FERMT2: variants seen among roughly 807,000 people sequenced by gnomAD.
FERMT2 encodes the protein FERM domain containing kindlin 2, also known as fermitin family homolog 2.
A neutral mutation model predicts 82.7 loss-of-function variants in FERMT2; 15 were observed. That is an observed-to-expected ratio of 0.18 (90% CI 0.12 to 0.28). The LOEUF (loss-of-function observed/expected upper bound fraction) is 0.28. Ranked by LOEUF, FERMT2 falls within the 10% of genes least tolerant of loss-of-function variation. The probability of loss-of-function intolerance (pLI) is 1.00; values close to 1 mark genes in which losing one functional copy is unlikely to be tolerated. For synonymous variants in FERMT2, 274 were observed against 271.5 expected, an observed-to-expected ratio of 1.01 and a Z score of -0.09; for missense variants, 645 against 809.4, an observed-to-expected ratio of 0.80 and a Z score of 2.46.
Position 52,875,322 on chromosome 14 carries a change from C to G in FERMT2, c.999G>C (p.Glu333Asp), listed in dbSNP as rs1371003924. ...CTTTGTCACTGTTGTTCAAATGATT[C>G]TCTGATGTCATGATTGACAGCTTAT... ...HINKLSIMTS[E>D]NHLNNSDKEV... Residue 333 changes from glutamate to aspartate, a missense_variant, in exon 8 of 15, where the codon GAG (glutamate) becomes GAC (aspartate). Coordinates refer to ENST00000341590, the MANE Select transcript of FERMT2 (RefSeq NM_006832.3). The G allele has an allele frequency of 6.2e-7, 1 of 1,609,868 alleles. No homozygotes were observed. The highest frequency in any genetic ancestry group is 8.5e-7 in the Non-Finnish European group (1 of 1,176,694).
intron 4 of FERMT2, among the ~76,000 whole-genome samples, chr14:52,889,823 A>G (rs1469601223): frequency 6.6e-6 from 1 of 152,176 alleles, no homozygotes; most frequent in East Asian, 1.9e-4. Flanking sequence ...ATCTCTAAAC[A>G]TAGAAAAGGT....
At chr14:52,919,057 T>A (rs1172168997) in intron 3 of FERMT2, 66 bp downstream of exon 3, 2 of 1,097,320 alleles carry the variant, frequency 1.8e-6, no homozygotes, top group Non-Finnish European at 2.7e-6. Context: ...GGATAAGCTA[T>A]GTCAGTCATC....
chr14:52,948,173 G>A (rs951018759), intron 2 of FERMT2, among the ~76,000 whole-genome samples: 1 of 152,258 alleles, frequency 6.6e-6, no homozygotes, highest in African/African-American at 2.4e-5. Flanking sequence ...AAGCTGCTTT[G>A]ATCCTCTCTA....
chr14:52,864,210 C>T (rs896975039), intron 12 of FERMT2, among the ~76,000 whole-genome samples, 191 bp downstream of exon 12: 6 of 152,118 alleles, frequency 3.9e-5, no homozygotes, highest in African/African-American at 1.4e-4. Context: ...GTCATGTTGG[C>T]ACTCAAAAAG....
At chr14:52,865,335 T>C (rs1885207017) in intron 10 of FERMT2, among the ~76,000 whole-genome samples, 1 of 152,144 alleles carries the variant, frequency 6.6e-6, no homozygotes, top group Non-Finnish European at 1.5e-5. Flanking sequence ...AATTTCACTT[T>C]GTAGGAGGCT....
At chr14:52,908,152 T>C (rs1888121417) in intron 3 of FERMT2, among the ~76,000 whole-genome samples, 1 of 152,178 alleles carries the variant, frequency 6.6e-6, no homozygotes, top group South Asian at 2.1e-4. Flanking sequence ...AGATAGGCTC[T>C]CACACCTGCT....
intron 2 of FERMT2, among the ~76,000 whole-genome samples, chr14:52,940,672 T>C (rs1395517346): frequency 1.3e-5 from 2 of 152,248 alleles, no homozygotes; most frequent in Non-Finnish European, 2.9e-5. Context: ...ACTTAAATGA[T>C]AGTTTATTCT....
Position 52,901,280 on chromosome 14 carries a change from C to CAAAAAAAAAAAAAAAA in FERMT2, c.392-7869_392-7854dup, listed in dbSNP as rs10638877. ...TAGGCGACAGAGCGAGACTCTGTCT[C>CAAAAAAAAAAAAAAAA]AAAAAAAAAAAAAAAAAAAAGCCCC... On this transcript the variant is annotated intron_variant, in intron 3 of 14. Transcript: ENST00000341590. 3.5e-5 allele frequency among the ~76,000 whole-genome samples: 2 copies of CAAAAAAAAAAAAAAAA among 57,256 alleles called. 1 individual carries two copies. The allele number at this position is 57,256 out of a possible 152,430, so 37.6% of individuals were successfully genotyped here.
rs562420668 is a variant in FERMT2, at chr14:52,922,292, C to A, written c.158-2936G>T. On this transcript the variant is annotated intron_variant, in intron 2 of 14. Transcript: ENST00000341590. ...GGGCCATTACATTAAAAACTCTTAA[C>A]ACTTCTTGGCTGCCAGCATGGGGCT... 1.5e-3 allele frequency among the ~76,000 whole-genome samples: 222 copies of A among 152,264 alleles called. 1 individual carries two copies. In the Middle Eastern group the frequency reaches 0.02, roughly 14 times the overall value.
chr14:52,950,504 A>G lies in FERMT2; in HGVS notation c.65T>C (p.Val22Ala). The change falls in exon 2 of 15, where the codon GTC becomes GCC. Residue 22 changes from valine (V) to alanine (A), a missense_variant. Val to Ala is a moderately conservative substitution (Grantham distance 64). Coordinates refer to ENST00000341590, the MANE Select transcript of FERMT2 (RefSeq NM_006832.3). Reference protein sequence around the residue: ...CYADGTWELSVHVTDLNRDVT... With the variant: ...CYADGTWELSAHVTDLNRDVT... ...ATCGCGGTTCAGGTCCGTCACATGG[A>G]CACTCAGTTCCCACGTCCCGTCCGC... The G allele has an allele frequency of 1.2e-6, 2 of 1,614,050 alleles. No individual in the cohort carries two copies. Among genetic ancestry groups the G allele is most frequent in the South Asian group, 1.1e-5 (1 of 91,082 alleles).
chr14:52,933,486 G>C (rs556442987), intron 2 of FERMT2, among the ~76,000 whole-genome samples: 42 of 151,818 alleles, frequency 2.8e-4, no homozygotes, highest in Middle Eastern at 3.4e-3. Flanking sequence ...AGGTGGGGGG[G>C]AATCACCTAA....
At chr14:52,895,215 G>C (rs565505674) in intron 3 of FERMT2, among the ~76,000 whole-genome samples, 1 of 152,242 alleles carries the variant, frequency 6.6e-6, no homozygotes, top group African/African-American at 2.4e-5. Flanking sequence ...ACTACTCAGT[G>C]TCAGTGAGGA....
At chr14:52,862,885 G>A (rs1402416067) in intron 12 of FERMT2, 1 of 152,174 alleles carries the variant, frequency 6.6e-6, no homozygotes, top group South Asian at 2.1e-4. Context: ...AGGCTTCTGA[G>A]AAAACAAATA....
chr14:52,912,253 G>A (rs535855168), intron 3 of FERMT2, among the ~76,000 whole-genome samples: 1 of 151,976 alleles, frequency 6.6e-6, no homozygotes, highest in Non-Finnish European at 1.5e-5. Flanking sequence ...TTTTGTTTTC[G>A]ACAATTTCAT....
chr14:52,914,207 A>AT (rs1425811421), intron 3 of FERMT2, among the ~76,000 whole-genome samples: 7 of 152,032 alleles, frequency 4.6e-5, no homozygotes, highest in African/African-American at 1.7e-4. Flanking sequence ...TACAAAAAAA[A>AT]AAATATATAA....
At chr14:52,877,295 G>C (rs1886016980) in intron 7 of FERMT2, among the ~76,000 whole-genome samples, 1 of 152,072 alleles carries the variant, frequency 6.6e-6, no homozygotes, top group African/African-American at 2.4e-5. Flanking sequence ...ACCTCCACTA[G>C]AAAATCATAA....
intron 3 of FERMT2, among the ~76,000 whole-genome samples, chr14:52,898,945 C>T (rs1055801004): frequency 2.0e-5 from 3 of 152,266 alleles, no homozygotes; most frequent in African/African-American, 7.2e-5. Flanking sequence ...CAAATGTTTC[C>T]GCCATATCCC....
chr14:52,900,987 G>A (rs1282897044), intron 3 of FERMT2, among the ~76,000 whole-genome samples: 5 of 151,658 alleles, frequency 3.3e-5, no homozygotes, highest in South Asian at 4.2e-4. Context: ...CAGGCCAGGC[G>A]CAGTGGCTCA....
In FERMT2 at chr14:52,939,317, G is replaced by A. The variant is rs1358107417; in HGVS notation, c.157+11095C>T. On this transcript the variant is annotated intron_variant, in intron 2 of 14. Transcript: ENST00000341590. ...GAACCTGGGAGGTGAAGGTTGCAGT[G>A]AGCTGACAGCACATCACTGCACTCC... Among the ~76,000 whole-genome samples the A allele has an allele frequency of 1.3e-4, 19 of 147,196 alleles. No homozygotes were observed. The South Asian group carries it at 4.1e-3, about 32-fold the overall frequency.
Sources: allele counts gnomAD v4.1 joint callset (sites outside exome capture counted in the v4.1 genomes callset), GRCh38; gene constraint gnomAD v4.1.1; transcripts MANE v1.5; gene names NCBI Gene and HGNC (gene_info 2026-07-23, HGNC 2026-07-21).